PDGFC: variants seen among roughly 807,000 people sequenced by gnomAD.
The protein encoded by PDGFC is platelet derived growth factor C, also known as platelet-derived growth factor C.
A neutral mutation model predicts 35.5 loss-of-function variants in PDGFC; 12 were observed. The ratio of observed to expected loss-of-function variants is 0.34; its 90% CI spans 0.22 to 0.55. The LOEUF is 0.55. PDGFC is among the 20% of genes least tolerant of loss of function. The pLI is 0.91. For synonymous variants in PDGFC, 159 were observed against 148.8 expected, an observed-to-expected ratio of 1.07 and a Z score of -0.50; for missense variants, 322 against 412.4, an observed-to-expected ratio of 0.78 and a Z score of 1.90.
At chr4:156,920,016 C>T (rs987980337) in intron 1 of PDGFC, among the ~76,000 whole-genome samples, 4 of 152,120 alleles carry the variant, frequency 2.6e-5, no homozygotes, top group Admixed American at 6.5e-5. Context: ...AAGAGCCTGG[C>T]GCCTCCTCCC....
chr4:156,881,688 G>A lies in PDGFC; in HGVS notation c.119-31272C>T, dbSNP rs544939778. 2.0e-5 allele frequency among the ~76,000 whole-genome samples: 3 copies of A among 152,016 alleles called. No homozygotes were observed. The South Asian group carries it at 6.2e-4, about 32-fold the overall frequency. ...TCTACTAAAAATACAAAATTAGTGGGGCATGCTGGCATGTGCCTGTAATCT... is the reference window on the plus strand; with the variant it reads ...TCTACTAAAAATACAAAATTAGTGGAGCATGCTGGCATGTGCCTGTAATCT... On this transcript the variant is annotated intron_variant, in intron 1 of 5. Coordinates refer to ENST00000502773, the MANE Select transcript of PDGFC (RefSeq NM_016205.3).
rs2110773335 is a variant in PDGFC, at chr4:156,761,559, T to G, written c.*1531A>C. 6.6e-6 allele frequency: 1 copy of G among 152,562 alleles called. No homozygotes were observed. Among genetic ancestry groups the G allele is most frequent in the Admixed American group, 6.5e-5 (1 of 15,304 alleles). The allele number at this position is 152,562 out of a possible 1,614,324, so 9.5% of individuals were successfully genotyped here. A position where few individuals can be genotyped will look rare whatever the true frequency, so the allele number is the denominator to read the frequency against. ...AAATGAAAATCATAACAGAAAATTT[T>G]ATCTTTCATTTTCTCAGAGTCCAAG... On this transcript the variant is annotated 3_prime_UTR_variant, in exon 6 of 6. Transcript: ENST00000502773.
At chr4:156,925,949 G>C (rs970467551) in intron 1 of PDGFC, among the ~76,000 whole-genome samples, 21 of 150,054 alleles carry the variant, frequency 1.4e-4, no homozygotes, top group African/African-American at 5.1e-4. Context: ...CTACTCAGTA[G>C]GTTGAGGTGA....
intron 1 of PDGFC, among the ~76,000 whole-genome samples, chr4:156,888,364 A>G (rs1730425159): frequency 6.6e-6 from 1 of 152,250 alleles, no homozygotes; most frequent in African/African-American, 2.4e-5. Flanking sequence ...ATGTTCAATA[A>G]TCAACTTTGT....
chr4:156,922,214 C>A (rs1731302969), intron 1 of PDGFC, among the ~76,000 whole-genome samples: 1 of 148,004 alleles, frequency 6.8e-6, no homozygotes, highest in Admixed American at 6.7e-5. Flanking sequence ...GTGTGTATAT[C>A]TGGTTCCTAA....
At chr4:156,824,347 CACATAT>C (rs1226276336) in intron 2 of PDGFC, among the ~76,000 whole-genome samples, 1 of 115,526 alleles carries the variant, frequency 8.7e-6, no homozygotes, top group African/African-American at 4.4e-5. Context: ...CACACACACA[CACATAT>C]ACACACATAT....
chr4:156,764,953 A>G (rs766393555), intron 5 of PDGFC, among the ~76,000 whole-genome samples: 49 of 152,266 alleles, frequency 3.2e-4, no homozygotes, highest in Non-Finnish European at 3.7e-4. Flanking sequence ...AAAAATTACT[A>G]TGTAAGGTAA....
intron 2 of PDGFC, among the ~76,000 whole-genome samples, chr4:156,825,575 TAATAA>T (rs1732426821): frequency 1.0e-5 from 1 of 95,580 alleles, no homozygotes; most frequent in African/African-American, 5.7e-5. Context: ...ATAATAATAA[TAATAA>T]TAATAATAAT....
chr4:156,785,710 C>T (rs1381897581), intron 3 of PDGFC, among the ~76,000 whole-genome samples: 2 of 152,130 alleles, frequency 1.3e-5, no homozygotes, highest in Non-Finnish European at 2.9e-5. Context: ...AGGTAAAATT[C>T]TATCAACTAG....
intron 1 of PDGFC, among the ~76,000 whole-genome samples, chr4:156,904,327 C>T (rs961116189): frequency 6.6e-5 from 10 of 152,004 alleles, no homozygotes; most frequent in Non-Finnish European, 1.2e-4. Context: ...ATACTGACTT[C>T]AGGCAAATTA....
intron 1 of PDGFC, among the ~76,000 whole-genome samples, chr4:156,953,393 A>C (rs1174914619): frequency 6.6e-6 from 1 of 151,984 alleles, no homozygotes; most frequent in East Asian, 1.9e-4. Flanking sequence ...GATCAGAAGG[A>C]GTCTGAGATT....
intron 3 of PDGFC, among the ~76,000 whole-genome samples, chr4:156,777,392 C>A (rs1730858290): frequency 6.6e-6 from 1 of 152,094 alleles, no homozygotes; most frequent in Admixed American, 6.5e-5. Flanking sequence ...TCTCAGAATG[C>A]CTGTATTTGG....
chr4:156,851,139 A>G (rs1729442484), intron 1 of PDGFC, among the ~76,000 whole-genome samples: 1 of 152,202 alleles, frequency 6.6e-6, no homozygotes, highest in Non-Finnish European at 1.5e-5. Context: ...AAAAACAAAA[A>G]AGGTATGCAA....
chr4:156,943,773 G>T (rs562490835), intron 1 of PDGFC, among the ~76,000 whole-genome samples: 20 of 152,106 alleles, frequency 1.3e-4, no homozygotes, highest in Non-Finnish European at 2.6e-4. Context: ...ACAAATTAGA[G>T]AATTAAGTGC....
chr4:156,849,743 C>A (rs1428650597), intron 2 of PDGFC, among the ~76,000 whole-genome samples: 1 of 152,048 alleles, frequency 6.6e-6, no homozygotes, highest in East Asian at 1.9e-4. Context: ...ATGTAATATT[C>A]AAACTTCTTA....
At chr4:156,898,016 T>C (rs1361319669) in intron 1 of PDGFC, among the ~76,000 whole-genome samples, 1 of 152,206 alleles carries the variant, frequency 6.6e-6, no homozygotes, top group African/African-American at 2.4e-5. Flanking sequence ...TTCTATAGAC[T>C]GAATGTTGTG....
chr4:156,956,613 G>A (rs527658853), intron 1 of PDGFC, among the ~76,000 whole-genome samples: 9 of 151,972 alleles, frequency 5.9e-5, no homozygotes, highest in Non-Finnish European at 1.0e-4. Flanking sequence ...CACAGTTTAG[G>A]TCATAGGTAA....
intron 1 of PDGFC, among the ~76,000 whole-genome samples, chr4:156,965,046 T>G (rs1732433444): frequency 6.6e-6 from 1 of 152,196 alleles, no homozygotes; most frequent in South Asian, 2.1e-4. Context: ...CTAGGAAACC[T>G]ATCCATTTGC....
intron 1 of PDGFC, among the ~76,000 whole-genome samples, chr4:156,953,406 A>G (rs999028065): frequency 1.3e-5 from 2 of 151,948 alleles, no homozygotes; most frequent in Non-Finnish European, 2.9e-5. Context: ...CTGAGATTCT[A>G]AAAAGGTTCA....
Sources: allele counts gnomAD v4.1 joint callset (sites outside exome capture counted in the v4.1 genomes callset), GRCh38; gene constraint gnomAD v4.1.1; transcripts MANE v1.5; gene names NCBI Gene and HGNC (gene_info 2026-07-23, HGNC 2026-07-21).